CCDC152: variants seen among roughly 807,000 people sequenced by gnomAD.
CCDC152 encodes coiled-coil domain-containing protein 152.
Under a neutral mutation model 38.1 loss-of-function variants are expected in CCDC152, and 37 were observed. That is an observed-to-expected ratio of 0.97 (90% confidence interval 0.75 to 1.28). The LOEUF (loss-of-function observed/expected upper bound fraction) is 1.28, where lower values mean the gene tolerates loss of function less well. CCDC152 is among the 50% of genes most tolerant of loss of function. The pLI is 0.00. For synonymous variants in CCDC152, 83 were observed against 87.1 expected (o/e 0.95, Z 0.26); for missense variants, 259 against 292.1 (o/e 0.89, Z 0.83).
chr5:42,801,229 G>A lies in CCDC152; in HGVS notation c.*1448G>A, dbSNP rs771234969. On this transcript the variant is annotated 3_prime_UTR_variant, in exon 9 of 9. Coordinates refer to ENST00000361970, the MANE Select transcript of CCDC152 (RefSeq NM_001134848.2). ...CTGCTGCCAAGGTGCTGATGTCCAT[G>A]ATTGTGATGATGCTCATGATGGTAA... The A allele has an allele frequency of 2.5e-6, 4 of 1,614,132 alleles. No homozygotes were observed. Among genetic ancestry groups the A allele is most frequent in the Non-Finnish European group, 3.4e-6 (4 of 1,180,006 alleles).
intron 6 of CCDC152, among the ~76,000 whole-genome samples, chr5:42,786,585 A>G (rs550279480): frequency 6.6e-6 from 1 of 152,156 alleles, no homozygotes; most frequent in African/African-American, 2.4e-5. Context: ...CAAAAAACCC[A>G]GTTTTTGTCT....
At chr5:42,768,931 C>T (rs1759661124) in intron 3 of CCDC152, among the ~76,000 whole-genome samples, 1 of 152,116 alleles carries the variant, frequency 6.6e-6, no homozygotes, top group South Asian at 2.1e-4. Context: ...TTTTGAAATT[C>T]ATTTGGCTTA....
intron 6 of CCDC152, among the ~76,000 whole-genome samples, chr5:42,791,035 A>G (rs1021571248): frequency 1.2e-4 from 18 of 152,132 alleles, no homozygotes; most frequent in African/African-American, 4.3e-4. Context: ...TACTAGAAGT[A>G]TTATTTAAGT....
At chr5:42,758,154 C>T (rs4866956) in intron 1 of CCDC152, among the ~76,000 whole-genome samples, 115,996 of 151,604 alleles carry the variant, frequency 0.77, 44,648 homozygotes, top group East Asian at 1. Context: ...AATATACAGC[C>T]AAAAATCTGA....
chr5:42,772,894 A>G (rs929820460), intron 4 of CCDC152, among the ~76,000 whole-genome samples: 3 of 152,144 alleles, frequency 2.0e-5, no homozygotes, highest in African/African-American at 7.2e-5. Flanking sequence ...TCTCCTTAAC[A>G]GGAAACGGTT....
chr5:42,759,177 A>T lies in CCDC152; in HGVS notation c.56A>T (p.Lys19Ile), dbSNP rs759445811. The T allele has an allele frequency of 6.4e-7, 1 of 1,550,772 alleles. No individual in the cohort carries two copies. The highest frequency in any genetic ancestry group is 1.2e-5 in the South Asian group (1 of 83,962). Residue 19 changes from lysine to isoleucine, a missense_variant, in exon 2 of 9, where the codon AAA becomes ATA. Coordinates refer to ENST00000361970, the MANE Select transcript of CCDC152 (RefSeq NM_001134848.2). ...AAGATTAGCAGTGTGAATCTTGACA[A>T]ACTTATAAATGACTTCTCACAGATA... is the stretch of plus-strand genomic sequence containing the variant. ...MKKISSVNLD[K>I]LINDFSQIEK...
chr5:42,789,281 G>T (rs757604939), intron 6 of CCDC152, among the ~76,000 whole-genome samples: 41 of 152,290 alleles, frequency 2.7e-4, no homozygotes, highest in Non-Finnish European at 5.0e-4. Flanking sequence ...GCTTCTTCCT[G>T]TGGGCTCTCT....
At chr5:42,769,294 G>A (rs1315437532) in intron 3 of CCDC152, among the ~76,000 whole-genome samples, 2 of 151,442 alleles carry the variant, frequency 1.3e-5, no homozygotes, top group Non-Finnish European at 2.9e-5. Flanking sequence ...TTTATTTAAG[G>A]TGCTTGGCTG....
chr5:42,801,475 T>C lies in CCDC152; in HGVS notation c.*1694T>C. The C allele has an allele frequency of 1.6e-6, 1 of 617,202 alleles. No homozygotes were observed. The allele number at this position is 617,202 out of a possible 1,614,324, so 38.2% of individuals were successfully genotyped here. ...TTTGTATTATATTAATGAGAAAGAG[T>C]CTGATGTTAGTCTCAACACCTAGAC... On this transcript the variant is annotated 3_prime_UTR_variant, in exon 9 of 9. Coordinates refer to ENST00000361970, the MANE Select transcript of CCDC152 (RefSeq NM_001134848.2).
At chr5:42,789,835 TG>T (rs1759974258) in intron 6 of CCDC152, among the ~76,000 whole-genome samples, 1 of 152,132 alleles carries the variant, frequency 6.6e-6, no homozygotes, top group African/African-American at 2.4e-5. Flanking sequence ...TAACTTAAAA[TG>T]GGTAATAAGT....
At chr5:42,792,739 A>G (rs568258750) in intron 6 of CCDC152, among the ~76,000 whole-genome samples, 1 of 152,298 alleles carries the variant, frequency 6.6e-6, no homozygotes, top group South Asian at 2.1e-4. Context: ...AGGATTAGAC[A>G]TCTCCCAGAA....
intron 6 of CCDC152, among the ~76,000 whole-genome samples, chr5:42,785,869 A>G (rs1342786618): frequency 1.3e-5 from 2 of 152,034 alleles, no homozygotes; most frequent in Non-Finnish European, 2.9e-5. Context: ...TTTTCTGCAT[A>G]TACTGAAATG....
chr5:42,779,543 A>G (rs189564185), intron 5 of CCDC152, 21 bp downstream of exon 5: 312 of 1,325,264 alleles, frequency 2.4e-4, no homozygotes, highest in Non-Finnish European at 4.1e-5. Flanking sequence ...GTATCATTCT[A>G]TTCAGTCAAG....
intron 4 of CCDC152, among the ~76,000 whole-genome samples, chr5:42,773,890 G>C (rs934698410): frequency 6.6e-6 from 1 of 152,198 alleles, no homozygotes; most frequent in Non-Finnish European, 1.5e-5. Flanking sequence ...CTTCAGGGCT[G>C]AAAATGTGTC....
chr5:42,757,792 C>G (rs1759500280), intron 1 of CCDC152, among the ~76,000 whole-genome samples: 2 of 152,008 alleles, frequency 1.3e-5, no homozygotes, highest in Admixed American at 1.3e-4. Flanking sequence ...GAGAGAAAAT[C>G]AAGCTCAAAT....
At chr5:42,796,167 A>G (rs1760072965) in intron 6 of CCDC152, among the ~76,000 whole-genome samples, 1 of 151,816 alleles carries the variant, frequency 6.6e-6, no homozygotes, top group Non-Finnish European at 1.5e-5. Flanking sequence ...GGTGCAGCAC[A>G]CCAGCATGGC....
At chr5:42,764,901 A>G (rs1235569549) in intron 3 of CCDC152, among the ~76,000 whole-genome samples, 2 of 152,264 alleles carry the variant, frequency 1.3e-5, no homozygotes, top group East Asian at 3.8e-4. Flanking sequence ...GTTATTCAAC[A>G]TAGTACTGGA....
chr5:42,772,221 C>T (rs1759708864), intron 4 of CCDC152, among the ~76,000 whole-genome samples: 2 of 152,112 alleles, frequency 1.3e-5, no homozygotes, highest in Admixed American at 1.3e-4. Context: ...CAAAATTCAA[C>T]ATCCACTCAT....
intron 6 of CCDC152, among the ~76,000 whole-genome samples, chr5:42,784,170 T>A (rs937190323): frequency 6.6e-6 from 1 of 152,238 alleles, no homozygotes; most frequent in African/African-American, 2.4e-5. Flanking sequence ...ATCTTTGTAA[T>A]GTTTTCCATA....
Sources: gnomAD v4.1 joint callset for allele counts (sites outside exome capture counted in the v4.1 genomes callset) on GRCh38, gnomAD v4.1.1 for gene constraint, MANE v1.5 for transcripts, NCBI Gene and HGNC (gene_info 2026-07-23, HGNC 2026-07-21) for gene names.